PRELID2: variants seen among roughly 807,000 people sequenced by gnomAD.
PRELID2 encodes the protein PRELI domain containing 2.
PRELID2 carries 25 observed loss-of-function variants against 28.4 expected under a neutral mutation model. That is an observed-to-expected ratio of 0.88 (90% CI 0.64 to 1.23). The LOEUF is 1.23. Among genes scored for constraint, PRELID2 ranks in the 50% most tolerant of loss-of-function variants. PRELID2 has a pLI of 0.00. For missense variants in PRELID2, 201 were observed against 214.4 expected (o/e 0.94, Z 0.39); for synonymous variants, 76 against 71.6 (o/e 1.06, Z -0.31).
the PRELID2 span, among the ~76,000 whole-genome samples, chr5:145,400,777 C>A: frequency 6.6e-6 from 1 of 152,100 alleles, no homozygotes; most frequent in African/African-American, 2.4e-5. Context: ...CAAGGAAACA[C>A]ATTGAGACTC....
chr5:145,742,105 T>C (rs1202289272), intron 1 of PRELID2, among the ~76,000 whole-genome samples: 1 of 128,848 alleles, frequency 7.8e-6, no homozygotes, highest in Admixed American at 8.4e-5. Flanking sequence ...TACATATAAT[T>C]ATATATAAAT....
intron 1 of PRELID2, among the ~76,000 whole-genome samples, chr5:145,731,140 A>G (rs1426338686): frequency 6.6e-6 from 1 of 152,204 alleles, no homozygotes; most frequent in Non-Finnish European, 1.5e-5. Flanking sequence ...TACATGTTCT[A>G]CATTGTTGCA....
At chr5:145,241,851 A>T in the PRELID2 span, among the ~76,000 whole-genome samples, 6 of 151,994 alleles carry the variant, frequency 3.9e-5, no homozygotes, top group Middle Eastern at 3.2e-3. Flanking sequence ...TTACTAAATC[A>T]CTTAGGCCAT....
the PRELID2 span, among the ~76,000 whole-genome samples, chr5:145,363,207 C>T: frequency 2.0e-5 from 3 of 151,360 alleles, no homozygotes; most frequent in Non-Finnish European, 2.9e-5. Flanking sequence ...TGTTACCTAG[C>T]GAACATTGAT....
intron 1 of PRELID2, among the ~76,000 whole-genome samples, chr5:145,535,268 T>C (rs1752689984): frequency 6.6e-6 from 1 of 151,902 alleles, no homozygotes; most frequent in African/African-American, 2.4e-5. Flanking sequence ...TTTTGGAGAT[T>C]ATGTCCTTAG....
At chr5:145,471,591 ATT>A (rs879882385), downstream of PRELID2, among the ~76,000 whole-genome samples, 3 of 146,960 alleles carry the variant, frequency 2.0e-5, no homozygotes, top group East Asian at 5.9e-4. Context: ...TAACACACAC[ATT>A]TTTTTTTTTA....
At chr5:145,400,960 G>A in the PRELID2 span, among the ~76,000 whole-genome samples, 9 of 152,090 alleles carry the variant, frequency 5.9e-5, no homozygotes, top group African/African-American at 2.2e-4. Context: ...TGCCTCCCAG[G>A]GATTCACCAC....
the PRELID2 span, among the ~76,000 whole-genome samples, chr5:145,233,833 G>A: frequency 1.3e-5 from 2 of 152,184 alleles, no homozygotes; most frequent in African/African-American, 4.8e-5. Context: ...TAAGCATTAT[G>A]TATAATTAAT....
the PRELID2 span, among the ~76,000 whole-genome samples, chr5:145,266,798 A>G: frequency 6.6e-6 from 1 of 152,162 alleles, no homozygotes; most frequent in Non-Finnish European, 1.5e-5. Context: ...CCAAATGCCC[A>G]TCAATCAATG....
Position 145,558,705 on chromosome 5 carries a change from A to G in PRELID2, n.71-85390T>C, listed in dbSNP as rs528297837. ...GCAAGACTATCATGCTTATCTTTAA[A>G]AAACTGAAGAGTCTGAGGATTTTGA... On this transcript the variant is annotated intron_variant and non_coding_transcript_variant, in intron 1 of 2. Coordinates refer to the PRELID2 transcript ENST00000510259. Among the ~76,000 whole-genome samples the G allele has an allele frequency of 8.3e-4, 126 of 152,334 alleles. 1 individual carries two copies. Among genetic ancestry groups the G allele is most frequent in the African/African-American group, 3.0e-3 (124 of 41,576 alleles).
intron 5 of PRELID2, among the ~76,000 whole-genome samples, chr5:145,774,997 T>C (rs1239304322): frequency 6.6e-6 from 1 of 152,168 alleles, no homozygotes; most frequent in African/African-American, 2.4e-5. Context: ...CCCAGCACTT[T>C]GGGAGGCTGA....
chr5:145,423,767 C>T, the PRELID2 span, among the ~76,000 whole-genome samples: 11 of 125,580 alleles, frequency 8.8e-5, no homozygotes, highest in East Asian at 4.2e-4. Flanking sequence ...AGCTTTGTTC[C>T]GTTGCTGGTG....
rs1440977445 is a variant in PRELID2, at chr5:145,676,181, T to C, written n.70+88750A>G. ...GTTGCGGTGAGCCCAGATCGCACCA[T>C]TGCACTCCACCCTGGGCAACAAGAG... On this transcript the variant is annotated intron_variant and non_coding_transcript_variant, in intron 1 of 2. Coordinates refer to the PRELID2 transcript ENST00000510259. Among the ~76,000 whole-genome samples the C allele has an allele frequency of 4.8e-5, 7 of 145,606 alleles. No individual in the cohort carries two copies. In the East Asian group the frequency reaches 1.2e-3, roughly 25 times the overall value.
chr5:145,346,094 G>A, the PRELID2 span, among the ~76,000 whole-genome samples: 1 of 152,114 alleles, frequency 6.6e-6, no homozygotes, highest in Non-Finnish European at 1.5e-5. Context: ...TCACCAGTCT[G>A]TGACCTAGGG....
At chr5:145,279,916 T>G in the PRELID2 span, among the ~76,000 whole-genome samples, 1 of 152,156 alleles carries the variant, frequency 6.6e-6, no homozygotes, top group Non-Finnish European at 1.5e-5. Context: ...TTTCAATGAT[T>G]CATAGCCCAA....
chr5:145,600,811 T>G (rs1328572664), intron 1 of PRELID2, among the ~76,000 whole-genome samples: 4 of 152,092 alleles, frequency 2.6e-5, no homozygotes, highest in Non-Finnish European at 5.9e-5. Flanking sequence ...TGAAATATTA[T>G]AAACATGTAT....
chr5:145,781,247 A>G (rs1751565100), intron 5 of PRELID2, among the ~76,000 whole-genome samples: 1 of 152,192 alleles, frequency 6.6e-6, no homozygotes, highest in African/African-American at 2.4e-5. Flanking sequence ...CAGCTCAAGG[A>G]GCACTGAAGT....
chr5:145,328,522 C>A, the PRELID2 span, among the ~76,000 whole-genome samples: 1 of 152,180 alleles, frequency 6.6e-6, no homozygotes, highest in East Asian at 1.9e-4. Flanking sequence ...GATTTGCTTT[C>A]TCTAATGACC....
the PRELID2 span, among the ~76,000 whole-genome samples, chr5:145,432,430 T>TAAA: frequency 0.03 from 4,055 of 133,276 alleles, 98 homozygotes; most frequent in African/African-American, 0.06. Context: ...CTCAAGTTGT[T>TAAA]AAAAAAAAAA....
Sources: gnomAD v4.1 joint callset for allele counts (sites outside exome capture counted in the v4.1 genomes callset) on GRCh38, gnomAD v4.1.1 for gene constraint, MANE v1.5 for transcripts, NCBI Gene and HGNC (gene_info 2026-07-23, HGNC 2026-07-21) for gene names.